The following LHX5 variants were observed in gnomAD, a reference collection of about 807,000 sequenced individuals.
LHX5 encodes the protein LIM/homeobox protein Lhx5.
A neutral mutation model predicts 30.6 loss-of-function variants in LHX5; 5 were observed. That is an observed-to-expected ratio of 0.16 (90% CI 0.09 to 0.34). LHX5 has a LOEUF of 0.34. Among genes scored for constraint, LHX5 ranks in the 10% least tolerant of loss-of-function variants. LHX5 has a pLI of 1.00. For synonymous variants in LHX5, 266 were observed against 252.6 expected (o/e 1.05, Z -0.50); for missense variants, 458 against 570.6 (o/e 0.80, Z 2.01).
Position 113,464,366 on chromosome 12 carries a change from T to C in LHX5, c.842-809A>G, listed in dbSNP as rs1229515077. 6.9e-6 allele frequency among the ~76,000 whole-genome samples: 1 copy of C among 145,104 alleles called. No homozygotes were observed. The highest frequency in any genetic ancestry group is 1.5e-5 in the Non-Finnish European group (1 of 65,938). On this transcript the variant is annotated intron_variant, in intron 4 of 4. Transcript: ENST00000261731. The surrounding 1 kb of genome is among the most constrained non-coding windows in gnomAD (Gnocchi z 6.2). Reference sequence around the variant, plus strand: ...AAATGGTTGAGACCGGGAAGCGACCTGGCCGGGGGAAACTGGATCCGGGCC... The same window carrying C: ...AAATGGTTGAGACCGGGAAGCGACCCGGCCGGGGGAAACTGGATCCGGGCC...
In LHX5 at chr12:113,463,449, C is replaced by T; in HGVS notation, c.950G>A (p.Gly317Asp). The change falls in exon 5 of 5, where the codon GGC becomes GAC. Residue 317 changes from glycine (G) to aspartate (D), a missense_variant. This residue lies in a region of LHX5 where 255 missense variants were observed against 246.8 expected (regional missense o/e 1.03). Coordinates refer to ENST00000261731, the MANE Select transcript of LHX5 (RefSeq NM_022363.3). This position sits in a 1 kb window ranked among gnomAD's most constrained non-coding sequence, Gnocchi z 6.7. Reference sequence around the variant, plus strand: ...CGCTCCCAGCGGCGTCGAGCCGGGGCCAGAGGCCGCCAGGAAGCTGGAGTC... The same window carrying T: ...CGCTCCCAGCGGCGTCGAGCCGGGGTCAGAGGCCGCCAGGAAGCTGGAGTC... ...PADSSFLAAS[G>D]PGSTPLGALE... The T allele has an allele frequency of 1.9e-6, 3 of 1,556,154 alleles. No individual in the cohort carries two copies. The highest frequency in any genetic ancestry group is 2.6e-6 in the Non-Finnish European group (3 of 1,155,066).
chr12:113,463,194 C>T lies in LHX5; in HGVS notation c.1205G>A (p.Trp402Ter), dbSNP rs776596049. The T allele has an allele frequency of 1.3e-6, 2 of 1,514,960 alleles. No homozygotes were observed. Among genetic ancestry groups the T allele is most frequent in the Non-Finnish European group, 1.8e-6 (2 of 1,138,150 alleles). The allele number at this position is 1,514,960 out of a possible 1,614,324, so 93.8% of individuals were successfully genotyped here. A position where few individuals can be genotyped will look rare whatever the true frequency, so the allele number is the denominator to read the frequency against. ...GCGGGGGGCGGCCCGGCGGCCTTAC[C>T]ACACGGCGGCTTCGTTGAGCTCGGG... Reference protein sequence around the residue: ...PNPELNEAAVW With the variant: ...PNPELNEAAV The change falls in exon 5 of 5, where the codon TGG becomes TAG. Residue 402 changes from tryptophan (W) to a stop codon, truncating the protein, a stop_gained. Coordinates refer to ENST00000261731, the MANE Select transcript of LHX5 (RefSeq NM_022363.3). LOFTEE classifies it high-confidence loss of function. The surrounding 1 kb of genome is among the most constrained non-coding windows in gnomAD (Gnocchi z 6.7).
intron 1 of LHX5, 115 bp from the exon 2 acceptor site, chr12:113,469,460 A>C: frequency 1.1e-6 from 1 of 899,996 alleles, no homozygotes; most frequent in Non-Finnish European, 1.7e-6. Flanking sequence ...CATATCTGTC[A>C]AACGGAACCC....
Position 113,471,515 on chromosome 12 carries a change from G to A in LHX5, c.-17C>T, listed in dbSNP as rs1410970992. ...CACCATCATAGCCCCGCGCCCCGGC[G>A]GCTTCGGCCGCCTTGCCCTCCCTTT... On this transcript the variant is annotated 5_prime_UTR_variant, in exon 1 of 5. Transcript: ENST00000261731. 7 of 1,568,972 alleles carry A rather than the reference G, an allele frequency of 4.5e-6. No individual in the cohort carries two copies. The highest frequency in any genetic ancestry group is 2.4e-5 in the East Asian group (1 of 42,552).
rs1310119067 is a variant in LHX5 at position 113,466,991 on chromosome 12, G to C, written c.841+265C>G. Reference sequence around the variant, plus strand: ...ACGTGTGTCCCTGGAGTCTCTGAACGCAAGTGTGAGTGCACCTTGTGCCCT... The same window carrying C: ...ACGTGTGTCCCTGGAGTCTCTGAACCCAAGTGTGAGTGCACCTTGTGCCCT... On this transcript the variant is annotated intron_variant, in intron 4 of 4. Coordinates refer to ENST00000261731, the MANE Select transcript of LHX5 (RefSeq NM_022363.3). This position sits in a 1 kb window ranked among gnomAD's most constrained non-coding sequence, Gnocchi z 6.5. Among the ~76,000 whole-genome samples, 2 of 151,832 alleles carry C rather than the reference G, an allele frequency of 1.3e-5. No individual in the cohort carries two copies. The highest frequency in any genetic ancestry group is 2.9e-5 in the Non-Finnish European group (2 of 67,986).
At chr12:113,471,253 TC>T in intron 1 of LHX5, 72 bp downstream of exon 1, 1 of 1,487,556 alleles carries the variant, frequency 6.7e-7, no homozygotes, top group Non-Finnish European at 9.3e-7. Flanking sequence ...GATGGGGGTA[TC>T]CCCTTCCCCA....
rs1593325718 is a variant in LHX5, at chr12:113,462,251, A to G, written c.*939T>C. ...AACATACTTTATTTGTTTCTTCTTT[A>G]TACAAAATAAGGAAACTAGAAGCGT... is the stretch of plus-strand genomic sequence containing the variant. On this transcript the variant is annotated 3_prime_UTR_variant, in exon 5 of 5. Coordinates refer to ENST00000261731, the MANE Select transcript of LHX5 (RefSeq NM_022363.3). 6.6e-6 allele frequency: 1 copy of G among 152,194 alleles called. No individual in the cohort carries two copies. The highest frequency in any genetic ancestry group is 1.9e-4 in the East Asian group (1 of 5,194). The allele number at this position is 152,194 out of a possible 1,614,324, so 9.4% of individuals were successfully genotyped here.
At position 113,463,536 on chromosome 12, in the gene LHX5, G is replaced by A; in HGVS notation, c.863C>T (p.Ala288Val). The A allele has an allele frequency of 6.4e-7, 1 of 1,553,980 alleles. No individual in the cohort carries two copies. Among genetic ancestry groups the A allele is most frequent in the Non-Finnish European group, 8.6e-7 (1 of 1,158,052 alleles). Residue 288 changes from alanine to valine, a missense_variant, in exon 5 of 5, where the codon GCG (alanine) becomes GTG (valine). Coordinates refer to ENST00000261731, the MANE Select transcript of LHX5 (RefSeq NM_022363.3). This position sits in a 1 kb window ranked among gnomAD's most constrained non-coding sequence, Gnocchi z 6.7. ...YYGDYQGDYY[A>V]PGSNYDFFAH... ...GAAGAAGTCGTAGTTGCTTCCCGGC[G>A]CGTAGTAGTCGCCTTGGTAGTCTGC...
chr12:113,463,530 C>T lies in LHX5; in HGVS notation c.869G>A (p.Gly290Glu). 1 of 1,556,562 alleles carries T rather than the reference C, an allele frequency of 6.4e-7. No individual in the cohort carries two copies. Among genetic ancestry groups the T allele is most frequent in the East Asian group, 2.4e-5 (1 of 41,586 alleles). ...GDYQGDYYAP[G>E]SNYDFFAHGP... is the part of the protein sequence containing the mutation. ...GTGCGCGAAGAAGTCGTAGTTGCTT[C>T]CCGGCGCGTAGTAGTCGCCTTGGTA... The change falls in exon 5 of 5, where the codon GGA becomes GAA. Residue 290 changes from glycine (G) to glutamate (E), a missense_variant. By Grantham distance (98) the Gly-to-Glu change is moderately conservative. Coordinates refer to ENST00000261731, the MANE Select transcript of LHX5 (RefSeq NM_022363.3). The surrounding 1 kb of genome is among the most constrained non-coding windows in gnomAD (Gnocchi z 6.7).
rs960212698 is a variant in LHX5 at position 113,464,436 on chromosome 12, G to C, written c.842-879C>G. Among the ~76,000 whole-genome samples the C allele has an allele frequency of 2.0e-5, 3 of 152,240 alleles. No individual in the cohort carries two copies. The highest frequency in any genetic ancestry group is 6.5e-5 in the Admixed American group (1 of 15,292). On this transcript the variant is annotated intron_variant, in intron 4 of 4. Coordinates refer to ENST00000261731, the MANE Select transcript of LHX5 (RefSeq NM_022363.3). This position sits in a 1 kb window ranked among gnomAD's most constrained non-coding sequence, Gnocchi z 6.2. The stretch of plus-strand genomic sequence containing the variant: ...GGTTGGGCCGGGCGGGGCGGCCTTG[G>C]CGCCCTAAACTCGGTCCCTGCGCCC...
At position 113,468,269 on chromosome 12, in the gene LHX5, G is replaced by A. The variant is rs1182836619; in HGVS notation, c.533C>T (p.Thr178Ile). The A allele has an allele frequency of 3.7e-6, 6 of 1,614,128 alleles. No homozygotes were observed. In the Admixed American group the frequency reaches 1.0e-4, roughly 27 times the overall value. ...NNENEEQNSG[T>I]KRRGPRTTIK... is the part of the protein sequence containing the mutation. ...GGTGGTGCGGGGGCCGCGCCGCTTG[G>A]TGCCCGAGTTCTGCTCCTCGTTCTC... Residue 178 changes from threonine to isoleucine, a missense_variant, in exon 3 of 5, where the codon ACC (threonine) becomes ATC (isoleucine). Around this residue, in one of 3 missense-constraint regions of LHX5, gnomAD observed 178 missense variants for 238.5 expected, o/e 0.75. Coordinates refer to ENST00000261731, the MANE Select transcript of LHX5 (RefSeq NM_022363.3).
rs1958223357 is a variant in LHX5 at position 113,467,676 on chromosome 12, C to T, written c.676-255G>A. The stretch of plus-strand genomic sequence containing the variant: ...GGCTTCCTGGTCCCCGGCTCGCCCG[C>T]GGCCTGACGGCTCTATAAAGGCCTC... On this transcript the variant is annotated intron_variant, in intron 3 of 4. Transcript: ENST00000261731. This position sits in a 1 kb window ranked among gnomAD's most constrained non-coding sequence, Gnocchi z 6.3. 6.6e-6 allele frequency among the ~76,000 whole-genome samples: 1 copy of T among 152,228 alleles called. No homozygotes were observed. The highest frequency in any genetic ancestry group is 1.5e-5 in the Non-Finnish European group (1 of 68,034).
intron 1 of LHX5, among the ~76,000 whole-genome samples, chr12:113,470,588 G>T (rs919777752): frequency 6.6e-6 from 1 of 152,190 alleles, no homozygotes; most frequent in Non-Finnish European, 1.5e-5. Context: ...GGCTCTGGGT[G>T]CCCAGAGGAA....
Position 113,469,355 on chromosome 12 carries a change from C to CA in LHX5, c.174-11dup, listed in dbSNP as rs768014273. 1 of 1,608,722 alleles carries CA rather than the reference C, an allele frequency of 6.2e-7. No individual in the cohort carries two copies. Among genetic ancestry groups the CA allele is most frequent in the African/African-American group, 1.3e-5 (1 of 75,040 alleles). ...TTTCGTGCCAAAGCGCCTGTGGACA[C>CA]AATGTGCCTGTCACTATGGGGTGGG... On this transcript the variant is annotated splice_polypyrimidine_tract_variant and intron_variant, in intron 1 of 4. Coordinates refer to ENST00000261731, the MANE Select transcript of LHX5 (RefSeq NM_022363.3).
At chr12:113,470,408 A>G (rs1171748114) in intron 1 of LHX5, among the ~76,000 whole-genome samples, 2 of 152,252 alleles carry the variant, frequency 1.3e-5, no homozygotes. Context: ...CTGCTACATT[A>G]GGGGCATCGG....
In LHX5 at chr12:113,465,884, G is replaced by A. The variant is rs1958212344; in HGVS notation, c.841+1372C>T. 6.6e-6 allele frequency among the ~76,000 whole-genome samples: 1 copy of A among 151,908 alleles called. No homozygotes were observed. Among genetic ancestry groups the A allele is most frequent in the African/African-American group, 2.4e-5 (1 of 41,328 alleles). On this transcript the variant is annotated intron_variant, in intron 4 of 4. Coordinates refer to ENST00000261731, the MANE Select transcript of LHX5 (RefSeq NM_022363.3). This position sits in a 1 kb window ranked among gnomAD's most constrained non-coding sequence, Gnocchi z 6.7. ...GTCCGGGGTTGGGGGTCTGTCCAGGGTTGGGGGGCTGTCCAGGGTTGGGCG... is the reference window on the plus strand; with the variant it reads ...GTCCGGGGTTGGGGGTCTGTCCAGGATTGGGGGGCTGTCCAGGGTTGGGCG...
In LHX5 at chr12:113,465,854, G is replaced by T. The variant is rs369092360; in HGVS notation, c.841+1402C>A. ...ACCATCCGGGCTCTCCAGGGTTGGG[G>T]GTCTGTCCGGGGTTGGGGGTCTGTC... On this transcript the variant is annotated intron_variant, in intron 4 of 4. Transcript: ENST00000261731. This position sits in a 1 kb window ranked among gnomAD's most constrained non-coding sequence, Gnocchi z 6.7. 6.6e-6 allele frequency among the ~76,000 whole-genome samples: 1 copy of T among 151,970 alleles called. No homozygotes were observed. The highest frequency in any genetic ancestry group is 1.5e-5 in the Non-Finnish European group (1 of 67,972).
In LHX5 at chr12:113,467,506, G is replaced by C. The variant is rs901750742; in HGVS notation, c.676-85C>G. The C allele has an allele frequency of 4.8e-6, 6 of 1,253,108 alleles. No homozygotes were observed. Among genetic ancestry groups the C allele is most frequent in the Admixed American group, 6.7e-5 (2 of 29,662 alleles). 77.6% of individuals were successfully genotyped at this position (1,253,108 alleles called of 1,614,324 possible). A position where few individuals can be genotyped will look rare whatever the true frequency, so the allele number is the denominator to read the frequency against. On this transcript the variant is annotated intron_variant, in intron 3 of 4. Coordinates refer to ENST00000261731, the MANE Select transcript of LHX5 (RefSeq NM_022363.3). The surrounding 1 kb of genome is among the most constrained non-coding windows in gnomAD (Gnocchi z 6.3). Reference sequence around the variant, plus strand: ...TCCCTTCCCTGACTGGGCTGCCCCTGCTGGGTCCTTGCGCCTCTTCCGCAC... The same window carrying C: ...TCCCTTCCCTGACTGGGCTGCCCCTCCTGGGTCCTTGCGCCTCTTCCGCAC...
In LHX5 at chr12:113,463,456, C is replaced by A. The variant is rs1958190905; in HGVS notation, c.943G>T (p.Ala315Ser). Reference sequence around the variant, plus strand: ...AGCGGCGTCGAGCCGGGGCCAGAGGCCGCCAGGAAGCTGGAGTCGGCCGGG... The same window carrying A: ...AGCGGCGTCGAGCCGGGGCCAGAGGACGCCAGGAAGCTGGAGTCGGCCGGG... ...QSPADSSFLA[A>S]SGPGSTPLGA... Residue 315 changes from alanine (A) to serine (S), a missense_variant, in exon 5 of 5, where the codon GCC (alanine) becomes TCC (serine). By Grantham distance (99) the Ala-to-Ser change is moderately conservative (BLOSUM62 1). Transcript: ENST00000261731. The surrounding 1 kb of genome is among the most constrained non-coding windows in gnomAD (Gnocchi z 6.7). 1.3e-6 allele frequency: 2 copies of A among 1,559,372 alleles called. No individual in the cohort carries two copies. Among genetic ancestry groups the A allele is most frequent in the African/African-American group, 1.4e-5 (1 of 73,636 alleles).
Sources: gnomAD v4.1 joint callset for allele counts (sites outside exome capture counted in the v4.1 genomes callset) on GRCh38, gnomAD v4.1.1 for gene constraint, gnomAD v4.1.1 regional missense constraint, Gnocchi (gnomAD v3.1) non-coding constraint, MANE v1.5 for transcripts, NCBI Gene and HGNC (gene_info 2026-07-23, HGNC 2026-07-21) for gene names.